PTCHD4: variants seen among roughly 807,000 people sequenced by gnomAD.
PTCHD4 encodes the protein patched domain containing 4.
PTCHD4 carries 33 observed loss-of-function variants against 58.1 expected under a neutral mutation model. That is an observed-to-expected ratio of 0.57 (90% CI 0.43 to 0.76). The LOEUF (loss-of-function observed/expected upper bound fraction) is 0.76, where lower values mean the gene tolerates loss of function less well. Among genes scored for constraint, PTCHD4 ranks in the 30% least tolerant of loss-of-function variants. The pLI, the probability that PTCHD4 is intolerant of heterozygous loss-of-function variation, is 0.00. For missense variants in PTCHD4, 1,058 were observed against 1,027.1 expected, an observed-to-expected ratio of 1.03 and a Z score of -0.41; for synonymous variants, 478 against 409.6, an observed-to-expected ratio of 1.17 and a Z score of -2.02.
rs1171149193 is a variant in PTCHD4, at chr6:47,876,953, A to G, written c.*1350T>C. ...TGCGATCACCCTAGGAGGTGGGCCA[A>G]CCGAGGAGCACTTTCCAGGTAACAA... On this transcript the variant is annotated 3_prime_UTR_variant, in exon 5 of 5. Coordinates refer to ENST00000339488, the MANE Select transcript of PTCHD4 (RefSeq NM_001384253.1). 1.3e-5 allele frequency among the ~76,000 whole-genome samples: 2 copies of G among 152,010 alleles called. No homozygotes were observed. The highest frequency in any genetic ancestry group is 2.9e-5 in the Non-Finnish European group (2 of 67,958).
At position 48,107,298 on chromosome 6, in the gene PTCHD4, A is replaced by G. The variant is rs548660207; in HGVS notation, c.-970+3751T>C. On this transcript the variant is annotated intron_variant, in intron 1 of 4. Transcript: ENST00000339488. ...ACAGAGCCCTCAGAAATAATGCTGC[A>G]TATCTACAACTATCTGATCTTTGAC... 2.6e-5 allele frequency among the ~76,000 whole-genome samples: 4 copies of G among 152,240 alleles called. No homozygotes were observed. The East Asian group carries it at 5.8e-4, about 22-fold the overall frequency.
chr6:47,978,650 T>C (rs1009708209), intron 4 of PTCHD4, among the ~76,000 whole-genome samples: 2 of 152,170 alleles, frequency 1.3e-5, no homozygotes, highest in African/African-American at 4.8e-5. Flanking sequence ...ATAAGTTTTC[T>C]CATTTATTCT....
chr6:47,948,409 G>T lies in PTCHD4; in HGVS notation c.898+60225C>A, dbSNP rs1053889668. 3.9e-5 allele frequency among the ~76,000 whole-genome samples: 6 copies of T among 152,156 alleles called. No individual in the cohort carries two copies. The South Asian group carries it at 1.2e-3, about 31-fold the overall frequency. ...GTATTCTGTTGTTTTAAAACAAGTT[G>T]CAAGCCCCACCCACCCTCAAGGACG... On this transcript the variant is annotated intron_variant, in intron 4 of 4. Transcript: ENST00000339488.
At position 47,860,680 on chromosome 6, in the gene PTCHD4, C is replaced by G. The variant is rs1763404130; in HGVS notation, c.*17623G>C. On this transcript the variant is annotated 3_prime_UTR_variant, in exon 5 of 5. Coordinates refer to ENST00000339488, the MANE Select transcript of PTCHD4 (RefSeq NM_001384253.1). ...AATTTCCTAGAGTATTGTTACCTAGCAGGGTCAGGGCTATTAGTGGAGCAG... is the reference window on the plus strand; with the variant it reads ...AATTTCCTAGAGTATTGTTACCTAGGAGGGTCAGGGCTATTAGTGGAGCAG... Among the ~76,000 whole-genome samples the G allele has an allele frequency of 6.6e-6, 1 of 151,770 alleles. No individual in the cohort carries two copies. Among genetic ancestry groups the G allele is most frequent in the African/African-American group, 2.4e-5 (1 of 41,340 alleles).
chr6:48,062,477 C>T (rs980291848), intron 3 of PTCHD4, among the ~76,000 whole-genome samples: 3 of 151,742 alleles, frequency 2.0e-5, no homozygotes, highest in African/African-American at 4.8e-5. Context: ...TTTTTTTAAC[C>T]CTCTTTTAAT....
intron 3 of PTCHD4, among the ~76,000 whole-genome samples, chr6:48,047,163 T>G (rs1221115956): frequency 6.6e-6 from 1 of 151,824 alleles, no homozygotes; most frequent in African/African-American, 2.4e-5. Context: ...ACTCTCTCCC[T>G]TCCCTTCTCT....
rs189787831 is a variant in PTCHD4 at position 47,991,493 on chromosome 6, T to C, written c.898+17141A>G. Among the ~76,000 whole-genome samples the C allele has an allele frequency of 5.3e-5, 8 of 152,236 alleles. No individual in the cohort carries two copies. The East Asian group carries it at 1.5e-3, about 29-fold the overall frequency. On this transcript the variant is annotated intron_variant, in intron 4 of 4. Transcript: ENST00000339488. ...AAATAATGTTCTTTAGAAAGAAGACTGATCCCAGATGGAAGGTCAGAGATG... is the reference window on the plus strand; with the variant it reads ...AAATAATGTTCTTTAGAAAGAAGACCGATCCCAGATGGAAGGTCAGAGATG...
chr6:47,982,579 C>T (rs910578797), intron 4 of PTCHD4, among the ~76,000 whole-genome samples: 2 of 150,932 alleles, frequency 1.3e-5, no homozygotes, highest in African/African-American at 4.9e-5. Flanking sequence ...GGCTCCGCCT[C>T]CCGGGTTCAC....
intron 4 of PTCHD4, among the ~76,000 whole-genome samples, chr6:47,919,043 G>A (rs1168745857): frequency 6.6e-6 from 1 of 152,098 alleles, no homozygotes; most frequent in Non-Finnish European, 1.5e-5. Context: ...TGGGAGTTTG[G>A]CTCTGTGAAG....
chr6:47,996,694 A>T (rs1768500549), intron 4 of PTCHD4, among the ~76,000 whole-genome samples: 1 of 152,170 alleles, frequency 6.6e-6, no homozygotes, highest in African/African-American at 2.4e-5. Context: ...AGGAATCCAT[A>T]TTCATAAAAA....
At chr6:48,007,216 G>A (rs1762468567) in intron 4 of PTCHD4, among the ~76,000 whole-genome samples, 1 of 152,036 alleles carries the variant, frequency 6.6e-6, no homozygotes, top group Admixed American at 6.6e-5. Context: ...CTCCAGCCTG[G>A]AAGACAGAGC....
intron 4 of PTCHD4, among the ~76,000 whole-genome samples, chr6:47,884,498 C>T (rs1764121636): frequency 1.3e-5 from 2 of 152,192 alleles, no homozygotes; most frequent in African/African-American, 2.4e-5. Flanking sequence ...CAGTGTCCAC[C>T]CCAAAGACAC....
intron 4 of PTCHD4, among the ~76,000 whole-genome samples, chr6:47,914,953 C>A (rs570006525): frequency 6.6e-6 from 1 of 152,074 alleles, no homozygotes; most frequent in Non-Finnish European, 1.5e-5. Context: ...TCTTTCTTCT[C>A]TCCTCTTTCA....
chr6:47,880,738 G>A (rs535596734), intron 4 of PTCHD4, among the ~76,000 whole-genome samples: 3 of 152,196 alleles, frequency 2.0e-5, no homozygotes, highest in African/African-American at 7.2e-5. Flanking sequence ...GAGTAAGTAG[G>A]CAAAAGGCTT....
intron 1 of PTCHD4, among the ~76,000 whole-genome samples, chr6:48,082,931 A>C (rs112666780): frequency 6.7e-4 from 102 of 152,014 alleles, no homozygotes; most frequent in African/African-American, 2.2e-3. Flanking sequence ...TGTTTGGCTT[A>C]GTTCCATATT....
At chr6:48,063,805 T>C (rs1304039697) in intron 3 of PTCHD4, among the ~76,000 whole-genome samples, 1 of 152,326 alleles carries the variant, frequency 6.6e-6, no homozygotes, top group Middle Eastern at 3.4e-3. Context: ...GTATACCTTA[T>C]ACGGTTTTAG....
rs1763559558 is a variant in PTCHD4 at position 47,866,243 on chromosome 6, A to G, written c.*12060T>C. Among the ~76,000 whole-genome samples the G allele has an allele frequency of 6.6e-6, 1 of 151,880 alleles. No individual in the cohort carries two copies. The highest frequency in any genetic ancestry group is 2.4e-5 in the African/African-American group (1 of 41,406). On this transcript the variant is annotated 3_prime_UTR_variant, in exon 5 of 5. Transcript: ENST00000339488. ...AGTATTTATTGGATTAAATGTGTTG[A>G]CTTGGTTGTCTAAGCCACTGTTTTT...
chr6:47,896,393 T>G (rs1764532512), intron 4 of PTCHD4, among the ~76,000 whole-genome samples: 1 of 152,214 alleles, frequency 6.6e-6, no homozygotes, highest in Non-Finnish European at 1.5e-5. Context: ...ATGAATGAAC[T>G]AATAAATGCT....
At chr6:48,057,809 G>A (rs1240141996) in intron 3 of PTCHD4, among the ~76,000 whole-genome samples, 1 of 152,232 alleles carries the variant, frequency 6.6e-6, no homozygotes, top group Non-Finnish European at 1.5e-5. Flanking sequence ...ATGGTCAGGA[G>A]TTTGTAGTTT....
Sources: allele counts gnomAD v4.1 joint callset (sites outside exome capture counted in the v4.1 genomes callset), GRCh38; gene constraint gnomAD v4.1.1; transcripts MANE v1.5; gene names NCBI Gene and HGNC (gene_info 2026-07-23, HGNC 2026-07-21).